SLC5A10: variants seen among roughly 807,000 people sequenced by gnomAD.
SLC5A10 encodes solute carrier family 5 member 10, also known as sodium/mannose cotransporter SLC5A10.
SLC5A10 carries 55 observed loss-of-function variants against 68.9 expected under a neutral mutation model. That is an observed-to-expected ratio of 0.80 (90% CI 0.64 to 1.00). The LOEUF (loss-of-function observed/expected upper bound fraction) is 1.00. Among genes scored for constraint, SLC5A10 ranks in the 50% least tolerant of loss-of-function variants. The probability of loss-of-function intolerance (pLI) is 0.00; values close to 1 mark genes in which losing one functional copy is unlikely to be tolerated. For missense variants in SLC5A10, 732 were observed against 819.3 expected (o/e 0.89, Z 1.30); for synonymous variants, 344 against 344.8 (o/e 1.00, Z 0.02).
chr17:19,009,109 G>A (rs914182127), intron 9 of SLC5A10, among the ~76,000 whole-genome samples: 4 of 152,056 alleles, frequency 2.6e-5, no homozygotes, highest in Admixed American at 2.6e-4. Context: ...CACCGTTCCT[G>A]GCCAGTCTCA....
intron 9 of SLC5A10, among the ~76,000 whole-genome samples, chr17:19,011,977 C>G (rs965556690): frequency 1.3e-5 from 2 of 151,984 alleles, no homozygotes; most frequent in Admixed American, 1.3e-4. Context: ...CAATGCCAGC[C>G]GCCCCTGCTG....
intron 9 of SLC5A10, chr17:18,979,721 A>G (rs1239198831): frequency 1.9e-6 from 3 of 1,606,208 alleles, no homozygotes; most frequent in Non-Finnish European, 1.7e-6. Context: ...AACCCTGACC[A>G]CACAGGGCGA....
intron 9 of SLC5A10, 64 bp from the exon 10 acceptor site, chr17:19,013,346 A>G: frequency 6.3e-7 from 1 of 1,594,650 alleles, no homozygotes; most frequent in African/African-American, 1.4e-5. Context: ...CCCCAGCCCT[A>G]TCTTGCCCAC....
At chr17:19,001,705 G>A (rs1445015748) in intron 9 of SLC5A10, among the ~76,000 whole-genome samples, 1 of 152,228 alleles carries the variant, frequency 6.6e-6, no homozygotes, top group East Asian at 1.9e-4. Context: ...GTACGGAGTG[G>A]CTGGGTCACA....
intron 9 of SLC5A10, among the ~76,000 whole-genome samples, chr17:18,982,986 C>T (rs2043176823): frequency 6.6e-6 from 1 of 152,266 alleles, no homozygotes; most frequent in African/African-American, 2.4e-5. Flanking sequence ...GGGAAGGTGT[C>T]CAGCTCCCAG....
At chr17:19,009,609 G>A (rs368485969) in intron 9 of SLC5A10, among the ~76,000 whole-genome samples, 4 of 151,976 alleles carry the variant, frequency 2.6e-5, no homozygotes, top group Non-Finnish European at 5.9e-5. Flanking sequence ...AGAATGTGCC[G>A]GGCCTGGTTA....
In SLC5A10 at chr17:19,020,991, G is replaced by A. The variant is rs1009427016; in HGVS notation, c.*560G>A. The A allele has an allele frequency of 1.9e-5, 3 of 156,176 alleles. No individual in the cohort carries two copies. The highest frequency in any genetic ancestry group is 7.2e-5 in the African/African-American group (3 of 41,422). 9.7% of individuals were successfully genotyped at this position (156,176 alleles called of 1,614,324 possible). ...CCACCTCACTTTTCCCTCTCCCAAAGGTGCCCAGGCTCTGGGCAGGCCCTG... is the reference window on the plus strand; with the variant it reads ...CCACCTCACTTTTCCCTCTCCCAAAAGTGCCCAGGCTCTGGGCAGGCCCTG... On this transcript the variant is annotated 3_prime_UTR_variant, in exon 15 of 15. Coordinates refer to ENST00000395645, the MANE Select transcript of SLC5A10 (RefSeq NM_001042450.4).
At chr17:18,958,798 G>A in intron 2 of SLC5A10, 45 bp downstream of exon 2, 1 of 1,602,116 alleles carries the variant, frequency 6.2e-7, no homozygotes, top group Non-Finnish European at 8.6e-7. Flanking sequence ...TTGTCCGTGG[G>A]GCTGTGTCTG....
chr17:19,022,464 C>T lies in SLC5A10; in HGVS notation c.*2033C>T. 1 of 303,720 alleles carries T rather than the reference C, an allele frequency of 3.3e-6. No homozygotes were observed. 18.8% of individuals were successfully genotyped at this position (303,720 alleles called of 1,614,324 possible). The stretch of plus-strand genomic sequence containing the variant: ...GGATTTTGGTTAGGTCCCTGCTTCT[C>T]TTGGGATCTTATTTACCCGACTCTG... On this transcript the variant is annotated 3_prime_UTR_variant, in exon 15 of 15. Coordinates refer to ENST00000395645, the MANE Select transcript of SLC5A10 (RefSeq NM_001042450.4).
At chr17:18,961,659 C>T (rs930906982) in intron 5 of SLC5A10, among the ~76,000 whole-genome samples, 3 of 152,160 alleles carry the variant, frequency 2.0e-5, no homozygotes, top group African/African-American at 4.8e-5. Context: ...GTGCAGAGGC[C>T]GGAGAGGTAG....
At chr17:18,956,181 C>T (rs78256562) in intron 1 of SLC5A10, among the ~76,000 whole-genome samples, 12 of 149,236 alleles carry the variant, frequency 8.0e-5, no homozygotes, top group Non-Finnish European at 1.3e-4. Flanking sequence ...GCAACAAGAG[C>T]GAAACTCTGT....
intron 11 of SLC5A10, 95 bp from the exon 12 acceptor site, chr17:19,019,328 A>G: frequency 6.9e-7 from 1 of 1,448,604 alleles, no homozygotes; most frequent in Non-Finnish European, 9.3e-7. Context: ...GTAGCAGGGG[A>G]AAGATTAGAG....
chr17:18,988,437 G>A, intron 9 of SLC5A10: 1 of 1,612,376 alleles, frequency 6.2e-7, no homozygotes, highest in Non-Finnish European at 8.5e-7. Context: ...AGAGAGACTA[G>A]GGCCTGTCAG....
intron 9 of SLC5A10, among the ~76,000 whole-genome samples, chr17:18,993,311 A>G (rs2043477831): frequency 6.6e-6 from 1 of 151,924 alleles, no homozygotes; most frequent in Non-Finnish European, 1.5e-5. Flanking sequence ...TCCCAACTCC[A>G]GTGCAGCCCC....
chr17:18,978,817 AT>A, intron 9 of SLC5A10: 2 of 1,612,796 alleles, frequency 1.2e-6, no homozygotes, highest in Non-Finnish European at 1.7e-6. Flanking sequence ...CAGAGATCAC[AT>A]TCCGGTCCGT....
chr17:19,011,683 G>T (rs951693451), intron 9 of SLC5A10, among the ~76,000 whole-genome samples: 2 of 151,938 alleles, frequency 1.3e-5, no homozygotes, highest in African/African-American at 4.8e-5. Context: ...AATGGGAGGA[G>T]CCAGGGAGGT....
chr17:18,983,693 G>A (rs868427244), intron 9 of SLC5A10, among the ~76,000 whole-genome samples: 1 of 152,194 alleles, frequency 6.6e-6, no homozygotes, highest in Admixed American at 6.5e-5. Context: ...GGCCTGTCTC[G>A]CTCTCTGTGG....
chr17:18,979,179 C>A, intron 9 of SLC5A10: 1 of 481,034 alleles, frequency 2.1e-6, no homozygotes, highest in Non-Finnish European at 3.8e-6. Flanking sequence ...TGCGTCTATG[C>A]TGCCACCAAC....
intron 9 of SLC5A10, among the ~76,000 whole-genome samples, chr17:18,991,512 A>T (rs1212713228): frequency 6.6e-6 from 1 of 152,108 alleles, no homozygotes; most frequent in African/African-American, 2.4e-5. Context: ...TGGAAATGAG[A>T]GGGGAGGCTG....
Sources: gnomAD v4.1 joint callset for allele counts (sites outside exome capture counted in the v4.1 genomes callset) on GRCh38, gnomAD v4.1.1 for gene constraint, MANE v1.5 for transcripts, NCBI Gene and HGNC (gene_info 2026-07-23, HGNC 2026-07-21) for gene names.